DPY19L2: variants seen among roughly 807,000 people sequenced by gnomAD.
DPY19L2 encodes the protein dpy-19 like 2.
DPY19L2 carries 34 observed loss-of-function variants against 97.9 expected under a neutral mutation model. The ratio of observed to expected loss-of-function variants is 0.35; its 90% confidence interval spans 0.26 to 0.46. DPY19L2 has a LOEUF of 0.46. DPY19L2 is among the 20% of genes least tolerant of loss of function. The pLI is 1.00. For synonymous variants in DPY19L2, 230 were observed against 307.9 expected (o/e 0.75, Z 2.65); for missense variants, 623 against 911.4 (o/e 0.68, Z 4.07).
chr12:63,567,529 T>C (rs1246102410), intron 21 of DPY19L2, among the ~76,000 whole-genome samples: 4 of 152,116 alleles, frequency 2.6e-5, no homozygotes, highest in Admixed American at 6.5e-5. Context: ...GTATCACCTT[T>C]GCCTTAAATA....
chr12:63,560,918 TATATGTAAAAGC>T (rs1168418616), intron 21 of DPY19L2, among the ~76,000 whole-genome samples: 1 of 152,176 alleles, frequency 6.6e-6, no homozygotes, highest in African/African-American at 2.4e-5. Flanking sequence ...TTCATAAATA[TATATGTAAAAGC>T]ACACTTTCAA....
At chr12:63,657,791 C>T (rs1403236398) in intron 4 of DPY19L2, among the ~76,000 whole-genome samples, 2 of 152,128 alleles carry the variant, frequency 1.3e-5, no homozygotes, top group East Asian at 3.9e-4. Flanking sequence ...CCTGACAGAG[C>T]CTGCTCACCT....
rs750461398 is a variant in DPY19L2, at chr12:63,663,724, C to T, written c.450+34G>A. ...ACCTCATAGTCTCGCTATTCTTAAACCACAAATTAATTCATTAGAAGAAGA... is the reference window on the plus strand; with the variant it reads ...ACCTCATAGTCTCGCTATTCTTAAATCACAAATTAATTCATTAGAAGAAGA... On this transcript the variant is annotated intron_variant, in intron 3 of 21. Transcript: ENST00000324472. The T allele has an allele frequency of 2.6e-6, 4 of 1,560,538 alleles. No homozygotes were observed. The South Asian group carries it at 4.7e-5, about 19-fold the overall frequency.
At chr12:63,631,782 T>C (rs879047553) in intron 6 of DPY19L2, among the ~76,000 whole-genome samples, 1 of 152,104 alleles carries the variant, frequency 6.6e-6, no homozygotes, top group Non-Finnish European at 1.5e-5. Flanking sequence ...TTTAGACCAA[T>C]ATCCCTGAAG....
intron 19 of DPY19L2, among the ~76,000 whole-genome samples, chr12:63,578,573 A>G (rs1880305244): frequency 6.6e-6 from 1 of 152,082 alleles, no homozygotes; most frequent in African/African-American, 2.4e-5. Context: ...TCTACCCCAT[A>G]AATATATACA....
intron 4 of DPY19L2, among the ~76,000 whole-genome samples, chr12:63,655,989 C>T (rs1378890562): frequency 6.6e-6 from 1 of 152,122 alleles, no homozygotes; most frequent in Non-Finnish European, 1.5e-5. Flanking sequence ...TAATTAAATG[C>T]TTGTTTCTGT....
intron 5 of DPY19L2, among the ~76,000 whole-genome samples, chr12:63,644,735 T>C (rs1004451953): frequency 6.6e-6 from 1 of 152,074 alleles, no homozygotes; most frequent in Admixed American, 6.6e-5. Flanking sequence ...CATACACGTA[T>C]GTAAGCTCAC....
intron 6 of DPY19L2, among the ~76,000 whole-genome samples, chr12:63,626,814 T>C (rs1363983742): frequency 6.6e-6 from 1 of 152,176 alleles, no homozygotes; most frequent in Non-Finnish European, 1.5e-5. Context: ...GATCTTGCTC[T>C]GTTGCCCAGG....
chr12:63,665,834 C>T lies in DPY19L2; in HGVS notation c.362+1G>A, dbSNP rs1203580012. On this transcript the variant is annotated splice_donor_variant, in intron 2 of 21. Transcript: ENST00000324472. LOFTEE classifies it high-confidence loss of function. Reference sequence around the variant, plus strand: ...TATTTCAAACTGAAACTAAATCTTACCAATGTAAAATTGCCACAAAGACAG... The same window carrying T: ...TATTTCAAACTGAAACTAAATCTTATCAATGTAAAATTGCCACAAAGACAG... The T allele has an allele frequency of 6.3e-7, 1 of 1,580,662 alleles. No homozygotes were observed. The highest frequency in any genetic ancestry group is 8.6e-7 in the Non-Finnish European group (1 of 1,161,788).
At chr12:63,654,725 T>C (rs1467541440) in intron 4 of DPY19L2, among the ~76,000 whole-genome samples, 1 of 151,988 alleles carries the variant, frequency 6.6e-6, no homozygotes, top group Non-Finnish European at 1.5e-5. Context: ...CAAGCAAAAT[T>C]ATCAGAGAAG....
chr12:63,610,841 CAAAAAAAAAAAA>C (rs56044043), intron 11 of DPY19L2, among the ~76,000 whole-genome samples: 199 of 10,768 alleles, frequency 0.018, no homozygotes, highest in African/African-American at 0.036. Flanking sequence ...ATGAATATAG[CAAAAAAAAAAAA>C]AAAAAAAAAA....
At position 63,561,973 on chromosome 12, in the gene DPY19L2, A is replaced by G. The variant is rs535165039; in HGVS notation, c.2127-1311T>C. ...TTTAATCATTATAGTATGGTTATGG[A>G]TGATTCAAAATATCTTCTTTGGTGA... On this transcript the variant is annotated intron_variant, in intron 21 of 21. Transcript: ENST00000324472. Among the ~76,000 whole-genome samples, 226 of 152,282 alleles carry G rather than the reference A, an allele frequency of 1.5e-3. 1 individual carries two copies. The highest frequency in any genetic ancestry group is 5.0e-3 in the African/African-American group (209 of 41,568).
chr12:63,604,223 C>T (rs554137663), intron 12 of DPY19L2, among the ~76,000 whole-genome samples: 1 of 152,196 alleles, frequency 6.6e-6, no homozygotes, highest in East Asian at 1.9e-4. Flanking sequence ...TCAATTTTGC[C>T]CTGTAGGTGA....
intron 19 of DPY19L2, among the ~76,000 whole-genome samples, chr12:63,579,165 C>T (rs1391465105): frequency 6.6e-6 from 1 of 152,152 alleles, no homozygotes; most frequent in Non-Finnish European, 1.5e-5. Context: ...TTTCCTATCA[C>T]TGTATGGAAG....
intron 11 of DPY19L2, among the ~76,000 whole-genome samples, chr12:63,613,948 G>A (rs1156781895): frequency 6.6e-6 from 1 of 151,950 alleles, no homozygotes; most frequent in Non-Finnish European, 1.5e-5. Context: ...CCCAGCACTT[G>A]GGAGGCAGAG....
intron 18 of DPY19L2, among the ~76,000 whole-genome samples, chr12:63,582,201 A>T (rs1291642194): frequency 6.6e-6 from 1 of 152,086 alleles, no homozygotes; most frequent in African/African-American, 2.4e-5. Context: ...TATCAATTAA[A>T]ATCCAGAAAT....
Position 63,660,797 on chromosome 12 carries a change from G to A in DPY19L2, c.588+547C>T, listed in dbSNP as rs548860426. 7.2e-5 allele frequency: 11 copies of A among 152,184 alleles called. No homozygotes were observed. In the East Asian group the frequency reaches 2.1e-3, roughly 29 times the overall value. The allele number at this position is 152,184 out of a possible 1,614,324, so 9.4% of individuals were successfully genotyped here. A position where few individuals can be genotyped will look rare whatever the true frequency, so the allele number is the denominator to read the frequency against. On this transcript the variant is annotated intron_variant, in intron 4 of 21. Transcript: ENST00000324472. The stretch of plus-strand genomic sequence containing the variant: ...AGTATTTACCATGGTGTCAAATTTA[G>A]CATTTATCTTGAGTTCACAAACTGA...
chr12:63,616,301 C>T (rs1887811225), intron 11 of DPY19L2, among the ~76,000 whole-genome samples: 1 of 152,142 alleles, frequency 6.6e-6, no homozygotes, highest in Admixed American at 6.5e-5. Context: ...GGTAGATGAG[C>T]ACACTATTAG....
chr12:63,612,584 T>A (rs1887188102), intron 11 of DPY19L2, among the ~76,000 whole-genome samples: 1 of 134,986 alleles, frequency 7.4e-6, no homozygotes, highest in Non-Finnish European at 1.6e-5. Context: ...CTCAAGTCAA[T>A]GACCTTGCTT....
Sources: allele counts gnomAD v4.1 joint callset (sites outside exome capture counted in the v4.1 genomes callset), GRCh38; gene constraint gnomAD v4.1.1; transcripts MANE v1.5; gene names NCBI Gene and HGNC (gene_info 2026-07-23, HGNC 2026-07-21).